GRID2: variants seen among roughly 807,000 people sequenced by gnomAD.
GRID2 encodes glutamate receptor ionotropic, delta-2.
Under a neutral mutation model 114.8 loss-of-function variants are expected in GRID2, and 33 were observed. The ratio of observed to expected loss-of-function variants is 0.29; its 90% CI spans 0.22 to 0.38. The LOEUF (loss-of-function observed/expected upper bound fraction) is 0.38. Ranked by LOEUF, GRID2 falls within the 10% of genes least tolerant of loss-of-function variation. GRID2 has a pLI of 1.00. For missense variants in GRID2, 1,184 were observed against 1,257.7 expected (o/e 0.94, Z 0.89); for synonymous variants, 505 against 449.9 (o/e 1.12, Z -1.55).
chr4:92,952,190 C>T (rs1051855536), intron 2 of GRID2, among the ~76,000 whole-genome samples: 1 of 152,174 alleles, frequency 6.6e-6, no homozygotes, highest in Non-Finnish European at 1.5e-5. Context: ...TTTCTACATA[C>T]TCATTAAGTG....
rs913756513 is a variant in GRID2 at position 92,936,046 on chromosome 4, TAAAA to T, written c.245-148944_245-148941del. On this transcript the variant is annotated intron_variant, in intron 2 of 15. Transcript: ENST00000282020. ...AACTTAAAGTATAATAATAATAAAA[TAAAA>T]AAAAGAAATTTAAATGCTGTCTACT... 4.2e-5 allele frequency among the ~76,000 whole-genome samples: 6 copies of T among 144,438 alleles called. 1 individual carries two copies. Among genetic ancestry groups the T allele is most frequent in the Non-Finnish European group, 9.2e-5 (6 of 65,172 alleles). The allele number at this position is 144,438 out of a possible 152,430, so 94.8% of individuals were successfully genotyped here. A position where few individuals can be genotyped will look rare whatever the true frequency, so the allele number is the denominator to read the frequency against.
At chr4:93,541,856 C>A (rs1732687752) in intron 13 of GRID2, among the ~76,000 whole-genome samples, 3 of 152,096 alleles carry the variant, frequency 2.0e-5, no homozygotes, top group Admixed American at 2.0e-4. Context: ...TCAATATCGC[C>A]CTTAACTTGG....
chr4:93,511,290 T>C (rs542221721), intron 12 of GRID2, among the ~76,000 whole-genome samples: 1 of 152,280 alleles, frequency 6.6e-6, no homozygotes, highest in South Asian at 2.1e-4. Flanking sequence ...GAAAGAATTT[T>C]ACAGAAACCT....
intron 8 of GRID2, among the ~76,000 whole-genome samples, chr4:93,292,050 G>T (rs972539325): frequency 1.3e-5 from 2 of 152,166 alleles, no homozygotes; most frequent in Non-Finnish European, 2.9e-5. Flanking sequence ...TGATATGATG[G>T]TGATAAGTCA....
At chr4:92,971,712 T>C (rs1369780256) in intron 2 of GRID2, among the ~76,000 whole-genome samples, 1 of 152,034 alleles carries the variant, frequency 6.6e-6, no homozygotes, top group Non-Finnish European at 1.5e-5. Context: ...TTCTTCCCAG[T>C]CTATAATAAC....
chr4:92,659,068 T>C lies in GRID2; in HGVS notation c.244+68782T>C, dbSNP rs752595987. On this transcript the variant is annotated intron_variant, in intron 2 of 15. Coordinates refer to ENST00000282020, the MANE Select transcript of GRID2 (RefSeq NM_001510.4). ...TTCTGTGCCCCAATAGATTACAATG[T>C]CATGTAGATGCAGAAATAAAGATGG... is the stretch of plus-strand genomic sequence containing the variant. Among the ~76,000 whole-genome samples, 50 of 133,682 alleles carry C rather than the reference T, an allele frequency of 3.7e-4. 2 individuals carry two copies. The highest frequency in any genetic ancestry group is 4.7e-4 in the Non-Finnish European group (28 of 59,498). 87.7% of individuals were successfully genotyped at this position (133,682 alleles called of 152,430 possible).
At chr4:92,390,826 C>T (rs760569247) in intron 1 of GRID2, among the ~76,000 whole-genome samples, 9 of 151,944 alleles carry the variant, frequency 5.9e-5, no homozygotes, top group Admixed American at 1.3e-4. Flanking sequence ...ACAATTTTAT[C>T]GTATATATTT....
intron 2 of GRID2, among the ~76,000 whole-genome samples, chr4:93,068,693 C>G: frequency 6.7e-6 from 1 of 148,494 alleles, no homozygotes; most frequent in Non-Finnish European, 1.5e-5. Flanking sequence ...TTCCTATTTA[C>G]AAAAAAAAAA....
At chr4:93,429,788 A>G (rs1262715232) in intron 10 of GRID2, among the ~76,000 whole-genome samples, 3 of 152,236 alleles carry the variant, frequency 2.0e-5, no homozygotes, top group South Asian at 2.1e-4. Context: ...ATGTTAAAAT[A>G]TAGCACCATT....
intron 8 of GRID2, among the ~76,000 whole-genome samples, chr4:93,339,283 T>C (rs1218582557): frequency 6.6e-6 from 1 of 152,156 alleles, no homozygotes; most frequent in Non-Finnish European, 1.5e-5. Flanking sequence ...TCCATTCATA[T>C]CTTAACTAAT....
At chr4:92,330,920 TGTG>T (rs1302560156) in intron 1 of GRID2, among the ~76,000 whole-genome samples, 1 of 152,118 alleles carries the variant, frequency 6.6e-6, no homozygotes, top group East Asian at 1.9e-4. Context: ...TCTAGGAAAA[TGTG>T]GTGTCCTTTA....
At chr4:93,549,595 A>T (rs1460176154) in intron 13 of GRID2, among the ~76,000 whole-genome samples, 1 of 152,184 alleles carries the variant, frequency 6.6e-6, no homozygotes, top group African/African-American at 2.4e-5. Context: ...TCCAATGCCC[A>T]GTGGTCAGAC....
At chr4:93,100,459 T>C (rs1731599749) in intron 3 of GRID2, among the ~76,000 whole-genome samples, 1 of 152,022 alleles carries the variant, frequency 6.6e-6, no homozygotes, top group African/African-American at 2.4e-5. Context: ...TTAAATGGCT[T>C]ATGGTTAAAA....
intron 8 of GRID2, among the ~76,000 whole-genome samples, chr4:93,350,211 T>A (rs1403967238): frequency 1.3e-5 from 2 of 152,122 alleles, no homozygotes; most frequent in African/African-American, 4.8e-5. Context: ...GCCTGCAGCA[T>A]AAAGGACAAA....
chr4:93,313,282 T>C (rs541640483), intron 8 of GRID2, among the ~76,000 whole-genome samples: 1 of 152,312 alleles, frequency 6.6e-6, no homozygotes, highest in Non-Finnish European at 1.5e-5. Flanking sequence ...ACTCTAGAGC[T>C]GTGACTCTTT....
intron 8 of GRID2, among the ~76,000 whole-genome samples, chr4:93,370,620 T>G (rs528253078): frequency 2.6e-5 from 4 of 152,180 alleles, no homozygotes; most frequent in Non-Finnish European, 5.9e-5. Flanking sequence ...TTCTTCCCTC[T>G]TTTTTCTGCT....
chr4:93,118,714 A>G (rs1295832594), intron 4 of GRID2, among the ~76,000 whole-genome samples: 2 of 152,172 alleles, frequency 1.3e-5, no homozygotes, highest in Admixed American at 1.3e-4. Context: ...ATAGAAAGGC[A>G]AATGAAGCTG....
intron 2 of GRID2, among the ~76,000 whole-genome samples, chr4:93,046,636 T>C (rs150937100): frequency 2.7e-4 from 41 of 152,082 alleles, no homozygotes; most frequent in African/African-American, 8.9e-4. Flanking sequence ...CTGATCCTCT[T>C]TTCTCTTCCT....
intron 2 of GRID2, among the ~76,000 whole-genome samples, chr4:92,895,458 T>C (rs1747098800): frequency 6.8e-6 from 1 of 146,220 alleles, no homozygotes; most frequent in South Asian, 2.1e-4. Flanking sequence ...TTATATAAGC[T>C]TATCAGACTT....
Sources: gnomAD v4.1 joint callset for allele counts (sites outside exome capture counted in the v4.1 genomes callset) on GRCh38, gnomAD v4.1.1 for gene constraint, MANE v1.5 for transcripts, NCBI Gene and HGNC (gene_info 2026-07-23, HGNC 2026-07-21) for gene names.